FAM110B: variants seen among roughly 807,000 people sequenced by gnomAD.
The protein encoded by FAM110B is protein FAM110B.
In FAM110B, 6 loss-of-function variants were observed where a neutral mutation model predicts 20.4. That is an observed-to-expected ratio of 0.29 (90% CI 0.16 to 0.58). The LOEUF is 0.58. Among genes scored for constraint, FAM110B ranks in the 20% least tolerant of loss-of-function variants. FAM110B has a pLI of 0.90. For missense variants in FAM110B, 434 were observed against 498.2 expected (o/e 0.87, Z 1.23); for synonymous variants, 226 against 214.1 (o/e 1.06, Z -0.49).
chr8:58,055,461 C>T lies in FAM110B; in HGVS notation c.-413-20074C>T, dbSNP rs1317556664. ...TATTTAAGTAGCTACCACTCCTGATCTACAGATTATGTTTTAATTGATTTT... is the reference window on the plus strand; with the variant it reads ...TATTTAAGTAGCTACCACTCCTGATTTACAGATTATGTTTTAATTGATTTT... On this transcript the variant is annotated intron_variant, in intron 2 of 3. Coordinates refer to ENST00000519262, the MANE Select transcript of FAM110B (RefSeq NM_001377989.1). Among the ~76,000 whole-genome samples the T allele has an allele frequency of 1.3e-5, 2 of 152,170 alleles. 1 individual carries two copies. Among genetic ancestry groups the T allele is most frequent in the African/African-American group, 4.8e-5 (2 of 41,444 alleles).
At chr8:58,109,643 A>C (rs1563373294) in intron 3 of FAM110B, among the ~76,000 whole-genome samples, 1 of 152,136 alleles carries the variant, frequency 6.6e-6, no homozygotes, top group Non-Finnish European at 1.5e-5. Context: ...GACACAACTG[A>C]AGAAGGACAG....
In FAM110B at chr8:58,016,665, G is replaced by A. The variant is rs1002372583; in HGVS notation, c.-511-14941G>A. Among the ~76,000 whole-genome samples the A allele has an allele frequency of 2.3e-4, 35 of 152,284 alleles. 1 individual carries two copies. The highest frequency in any genetic ancestry group is 6.2e-4 in the South Asian group (3 of 4,822). The stretch of plus-strand genomic sequence containing the variant: ...ACGTATTCATCCTGTTTGCCTCGTG[G>A]TGTTGCCTCATGCCAGGAAGTGCTC... On this transcript the variant is annotated intron_variant, in intron 1 of 3. Transcript: ENST00000519262.
At chr8:58,051,843 A>G (rs1385184513) in intron 2 of FAM110B, among the ~76,000 whole-genome samples, 1 of 152,208 alleles carries the variant, frequency 6.6e-6, no homozygotes, top group Non-Finnish European at 1.5e-5. Context: ...ATTGTATTTC[A>G]TATTTATGGC....
intron 3 of FAM110B, among the ~76,000 whole-genome samples, chr8:58,086,347 A>G (rs1466016389): frequency 1.3e-5 from 2 of 152,218 alleles, no homozygotes; most frequent in Non-Finnish European, 2.9e-5. Flanking sequence ...TCGCTTGAAG[A>G]CATTTTATGC....
chr8:57,995,186 G>T (rs1208608785), intron 1 of FAM110B, among the ~76,000 whole-genome samples: 1 of 152,192 alleles, frequency 6.6e-6, no homozygotes, highest in Non-Finnish European at 1.5e-5. Flanking sequence ...GCGGAGCGGA[G>T]GTGGGCTCCG....
At chr8:58,115,518 C>T (rs754343603) in intron 3 of FAM110B, among the ~76,000 whole-genome samples, 65 of 152,118 alleles carry the variant, frequency 4.3e-4, no homozygotes, top group Non-Finnish European at 3.4e-4. Flanking sequence ...CTCAGCCTCC[C>T]GAGTAGCTGG....
intron 3 of FAM110B, among the ~76,000 whole-genome samples, chr8:58,144,973 A>AC (rs1803826002): frequency 6.6e-6 from 1 of 152,240 alleles, no homozygotes; most frequent in South Asian, 2.1e-4. Flanking sequence ...ATGAAAGCTT[A>AC]CCTATTACCC....
intron 1 of FAM110B, among the ~76,000 whole-genome samples, chr8:58,005,402 G>A (rs1295580735): frequency 1.3e-5 from 2 of 152,134 alleles, no homozygotes; most frequent in Non-Finnish European, 2.9e-5. Flanking sequence ...GTATAATAAC[G>A]AAAAAGTTTA....
At chr8:58,060,534 A>G (rs546604702) in intron 2 of FAM110B, among the ~76,000 whole-genome samples, 2 of 152,328 alleles carry the variant, frequency 1.3e-5, no homozygotes, top group East Asian at 3.9e-4. Flanking sequence ...ACTTTAAGTA[A>G]CAGTGCTTTC....
At chr8:58,101,077 T>C (rs540557926) in intron 3 of FAM110B, 3 of 151,630 alleles carry the variant, frequency 2.0e-5, no homozygotes, top group East Asian at 1.9e-4. Context: ...CTAGGGAGGC[T>C]GAGGCAGGAG....
chr8:58,083,684 C>T (rs1221997576), intron 3 of FAM110B, among the ~76,000 whole-genome samples: 1 of 152,170 alleles, frequency 6.6e-6, no homozygotes, highest in Non-Finnish European at 1.5e-5. Context: ...CCACCATCCA[C>T]GCCTCCCCTG....
intron 3 of FAM110B, among the ~76,000 whole-genome samples, chr8:58,133,125 A>G (rs982259930): frequency 6.6e-6 from 1 of 151,948 alleles, no homozygotes. Context: ...GTAATTTTTT[A>G]AAGTATTGAT....
chr8:58,006,640 T>TC (rs1804409276), intron 1 of FAM110B, among the ~76,000 whole-genome samples: 1 of 151,320 alleles, frequency 6.6e-6, no homozygotes, highest in Non-Finnish European at 1.5e-5. Flanking sequence ...TCTCACTCTG[T>TC]CACCCAGGCT....
rs1803856646 is a variant in FAM110B at position 58,146,122 on chromosome 8, C to T, written c.-109C>T. The T allele has an allele frequency of 7.4e-7, 1 of 1,344,522 alleles. No homozygotes were observed. 83.3% of individuals were successfully genotyped at this position (1,344,522 alleles called of 1,614,324 possible). A position where few individuals can be genotyped will look rare whatever the true frequency, so the allele number is the denominator to read the frequency against. On this transcript the variant is annotated 5_prime_UTR_variant, in exon 4 of 4. Coordinates refer to ENST00000519262, the MANE Select transcript of FAM110B (RefSeq NM_001377989.1). The stretch of plus-strand genomic sequence containing the variant: ...CGGCCGCTGCTGCTGACACTCGCTC[C>T]CAGGCTGCACCCGCCGCCCTTGGCG...
intron 2 of FAM110B, among the ~76,000 whole-genome samples, chr8:58,072,718 C>T (rs1047549331): frequency 6.6e-6 from 1 of 152,194 alleles, no homozygotes; most frequent in African/African-American, 2.4e-5. Context: ...CATAAACATA[C>T]ATATCATATT....
At position 58,039,142 on chromosome 8, in the gene FAM110B, G is replaced by T. The variant is rs571125300; in HGVS notation, c.-414+7439G>T. ...GACGGCATTTCTCTGGAGCCAGATC[G>T]CCGGGTGCCAGCCTGGGCTGGCACT... On this transcript the variant is annotated intron_variant, in intron 2 of 3. Coordinates refer to ENST00000519262, the MANE Select transcript of FAM110B (RefSeq NM_001377989.1). 1.9e-3 allele frequency among the ~76,000 whole-genome samples: 282 copies of T among 152,314 alleles called. 2 individuals carry two copies. The highest frequency in any genetic ancestry group is 1.7e-3 in the Non-Finnish European group (115 of 68,024).
chr8:58,031,760 A>G lies in FAM110B; in HGVS notation c.-414+57A>G, dbSNP rs1378200961. 2.0e-5 allele frequency: 3 copies of G among 152,194 alleles called. No homozygotes were observed. The East Asian group carries it at 5.8e-4, about 29-fold the overall frequency. The allele number at this position is 152,194 out of a possible 1,614,324, so 9.4% of individuals were successfully genotyped here. On this transcript the variant is annotated intron_variant, in intron 2 of 3. Coordinates refer to ENST00000519262, the MANE Select transcript of FAM110B (RefSeq NM_001377989.1). Reference sequence around the variant, plus strand: ...ATGTAGGAATCTGGTTATAAAGTAAATTTGATCCTTTATATGTTGAGCAGA... The same window carrying G: ...ATGTAGGAATCTGGTTATAAAGTAAGTTTGATCCTTTATATGTTGAGCAGA...
intron 1 of FAM110B, among the ~76,000 whole-genome samples, chr8:58,026,183 C>G (rs1442404925): frequency 6.6e-6 from 1 of 152,182 alleles, no homozygotes; most frequent in Non-Finnish European, 1.5e-5. Flanking sequence ...ATAGTGCACC[C>G]TATAATTTCT....
chr8:58,050,407 G>A (rs1056923336), intron 2 of FAM110B, among the ~76,000 whole-genome samples: 1 of 152,136 alleles, frequency 6.6e-6, no homozygotes, highest in African/African-American at 2.4e-5. Flanking sequence ...CCATGGCTCA[G>A]CAGGGTTCTC....
Sources: allele counts gnomAD v4.1 joint callset (sites outside exome capture counted in the v4.1 genomes callset), GRCh38; gene constraint gnomAD v4.1.1; transcripts MANE v1.5; gene names NCBI Gene and HGNC (gene_info 2026-07-23, HGNC 2026-07-21).